The following NOL4 variants were observed in gnomAD, a reference collection of about 807,000 sequenced individuals.
NOL4 encodes nucleolar protein 4, also known as cancer/testis antigen 125.
In NOL4, 17 loss-of-function variants were observed where a neutral mutation model predicts 75.9. That is an observed-to-expected ratio of 0.22 (90% CI 0.15 to 0.34). The LOEUF (loss-of-function observed/expected upper bound fraction) is 0.34. Among genes scored for constraint, NOL4 ranks in the 10% least tolerant of loss-of-function variants. NOL4 has a pLI of 1.00. For synonymous variants in NOL4, 292 were observed against 289.9 expected, an observed-to-expected ratio of 1.01 and a Z score of -0.07; for missense variants, 614 against 793.5, an observed-to-expected ratio of 0.77 and a Z score of 2.72.
intron 4 of NOL4, 22 bp downstream of exon 4, chr18:34,104,025 A>T: frequency 6.7e-7 from 1 of 1,500,104 alleles, no homozygotes; most frequent in Non-Finnish European, 9.3e-7. Flanking sequence ...AAGTAATACA[A>T]ATGTAGATGT....
chr18:33,920,909 G>A (rs72957304), intron 9 of NOL4, among the ~76,000 whole-genome samples: 10,160 of 152,276 alleles, frequency 0.067, 439 homozygotes, highest in Non-Finnish European at 0.1. Flanking sequence ...CATCATTGGC[G>A]AAGAGGTCGC....
chr18:33,868,201 C>A lies in NOL4; in HGVS notation c.1723+15043G>T, dbSNP rs917969259. 2.0e-5 allele frequency among the ~76,000 whole-genome samples: 3 copies of A among 148,730 alleles called. No homozygotes were observed. In the East Asian group the frequency reaches 5.9e-4, roughly 29 times the overall value. On this transcript the variant is annotated intron_variant, in intron 10 of 10. Coordinates refer to ENST00000261592, the MANE Select transcript of NOL4 (RefSeq NM_003787.5). ...TACAGGCCATGCTACTACACCTGGG[C>A]ACCTGGGTAATTTTTTTTTTTTTTC...
chr18:34,203,721 A>ACACACACC (rs2035921628), intron 1 of NOL4, among the ~76,000 whole-genome samples: 1 of 79,218 alleles, frequency 1.3e-5, no homozygotes, highest in Non-Finnish European at 2.6e-5. Flanking sequence ...TCTCTCTCAC[A>ACACACACC]CACACACACA....
At chr18:33,990,100 T>G (rs2072803724) in intron 6 of NOL4, among the ~76,000 whole-genome samples, 2 of 152,086 alleles carry the variant, frequency 1.3e-5, no homozygotes, top group South Asian at 4.1e-4. Context: ...CAAGATAATT[T>G]TAGACTTTGA....
chr18:34,089,291 T>C (rs2078393848), intron 5 of NOL4, among the ~76,000 whole-genome samples: 1 of 152,166 alleles, frequency 6.6e-6, no homozygotes, highest in African/African-American at 2.4e-5. Flanking sequence ...TTAATTTAAC[T>C]TAAAATAATT....
intron 4 of NOL4, among the ~76,000 whole-genome samples, chr18:34,095,647 T>A (rs775902936): frequency 6.6e-6 from 1 of 152,132 alleles, no homozygotes; most frequent in Non-Finnish European, 1.5e-5. Flanking sequence ...ATTTAAAGTA[T>A]CTAGAACAAT....
At chr18:34,048,642 G>T (rs1021206455) in intron 5 of NOL4, 14 of 982,468 alleles carry the variant, frequency 1.4e-5, no homozygotes, top group Non-Finnish European at 6.0e-6. Flanking sequence ...CTATGACAAC[G>T]GAGCACATTC....
At chr18:33,861,612 T>C (rs1318447483) in intron 10 of NOL4, among the ~76,000 whole-genome samples, 1 of 152,094 alleles carries the variant, frequency 6.6e-6, no homozygotes, top group Non-Finnish European at 1.5e-5. Flanking sequence ...AAAAGCATTC[T>C]TATACATCAA....
intron 1 of NOL4, among the ~76,000 whole-genome samples, chr18:34,191,236 C>G (rs1271018422): frequency 6.6e-6 from 1 of 152,016 alleles, no homozygotes; most frequent in African/African-American, 2.4e-5. Context: ...GTTGAAAATA[C>G]TATTAAGTCT....
In NOL4 at chr18:33,856,506, G is replaced by A. The variant is rs115185356; in HGVS notation, c.1724-3471C>T. ...GCTTTACCACTAAATATTACCATGAGTCCTGAGTTGAATATAAAATAATTC... is the reference window on the plus strand; with the variant it reads ...GCTTTACCACTAAATATTACCATGAATCCTGAGTTGAATATAAAATAATTC... On this transcript the variant is annotated intron_variant, in intron 10 of 10. Coordinates refer to ENST00000261592, the MANE Select transcript of NOL4 (RefSeq NM_003787.5). 4.8e-3 allele frequency among the ~76,000 whole-genome samples: 727 copies of A among 152,016 alleles called. 6 individuals carry two copies. The highest frequency in any genetic ancestry group is 0.016 in the African/African-American group (679 of 41,502).
At chr18:34,011,001 G>T (rs1011678461) in intron 6 of NOL4, among the ~76,000 whole-genome samples, 1 of 151,706 alleles carries the variant, frequency 6.6e-6, no homozygotes, top group African/African-American at 2.4e-5. Context: ...TTAGAAGAAT[G>T]AAAAAGATCT....
chr18:34,080,428 G>A (rs2077953518), intron 5 of NOL4, among the ~76,000 whole-genome samples: 1 of 152,126 alleles, frequency 6.6e-6, no homozygotes, highest in Non-Finnish European at 1.5e-5. Context: ...ACATTCTGTT[G>A]TAAATGACTT....
chr18:33,892,666 TC>T (rs1299215219), intron 9 of NOL4, among the ~76,000 whole-genome samples: 40 of 150,908 alleles, frequency 2.7e-4, no homozygotes, highest in African/African-American at 8.3e-4. Flanking sequence ...CTTCTTTTTT[TC>T]TTTCCTTTGA....
chr18:34,089,576 T>C (rs1003335672), intron 5 of NOL4, among the ~76,000 whole-genome samples: 3 of 152,200 alleles, frequency 2.0e-5, no homozygotes, highest in Non-Finnish European at 2.9e-5. Flanking sequence ...ATAGCCACAA[T>C]GTGGAGAGCG....
chr18:34,172,952 GCTGT>G (rs1286527262), intron 1 of NOL4, among the ~76,000 whole-genome samples: 3 of 151,926 alleles, frequency 2.0e-5, no homozygotes, highest in South Asian at 2.1e-4. Flanking sequence ...CATTCCATAG[GCTGT>G]CTTTCAATGT....
intron 4 of NOL4, among the ~76,000 whole-genome samples, chr18:34,100,657 G>T (rs965818148): frequency 6.6e-6 from 1 of 152,118 alleles, no homozygotes; most frequent in Non-Finnish European, 1.5e-5. Context: ...CTCCCTATCT[G>T]CCAGATGTTA....
At chr18:33,979,892 T>C (rs1381652966) in intron 6 of NOL4, among the ~76,000 whole-genome samples, 2 of 152,070 alleles carry the variant, frequency 1.3e-5, no homozygotes, top group Non-Finnish European at 2.9e-5. Context: ...TTAAATTAGA[T>C]ATTGCTTCTG....
At chr18:33,953,879 G>C (rs745663081) in intron 8 of NOL4, among the ~76,000 whole-genome samples, 1 of 152,086 alleles carries the variant, frequency 6.6e-6, no homozygotes, top group African/African-American at 2.4e-5. Context: ...GGCTAAACAC[G>C]GAACTGTAGT....
chr18:33,970,984 A>C (rs973137572), intron 6 of NOL4, among the ~76,000 whole-genome samples: 3 of 152,150 alleles, frequency 2.0e-5, no homozygotes, highest in African/African-American at 7.2e-5. Context: ...AAAAGAAGGA[A>C]AAGGTGGTGT....
Sources: allele counts gnomAD v4.1 joint callset (sites outside exome capture counted in the v4.1 genomes callset), GRCh38; gene constraint gnomAD v4.1.1; transcripts MANE v1.5; gene names NCBI Gene and HGNC (gene_info 2026-07-23, HGNC 2026-07-21).